SLC9A8: variants seen among roughly 807,000 people sequenced by gnomAD.
SLC9A8 encodes the protein sodium/hydrogen exchanger 8.
In SLC9A8, 48 loss-of-function variants were observed where a neutral mutation model predicts 66.6. The observed-to-expected ratio is 0.72, with a 90% CI of 0.57 to 0.92. The LOEUF (loss-of-function observed/expected upper bound fraction) is 0.92. SLC9A8 is among the 40% of genes least tolerant of loss of function. The pLI, the probability that SLC9A8 is intolerant of heterozygous loss-of-function variation, is 0.00. For missense variants in SLC9A8, 599 were observed against 747.3 expected (o/e 0.80, Z 2.31); for synonymous variants, 274 against 282.6 (o/e 0.97, Z 0.31).
At chr20:49,853,421 C>T (rs2088333100) in intron 7 of SLC9A8, among the ~76,000 whole-genome samples, 1 of 152,204 alleles carries the variant, frequency 6.6e-6, no homozygotes, top group Non-Finnish European at 1.5e-5. Flanking sequence ...GGATTACAGG[C>T]GTGAGCCACT....
Position 49,852,604 on chromosome 20 carries a change from A to G in SLC9A8, c.569+1760A>G, listed in dbSNP as rs57124850. Among the ~76,000 whole-genome samples, 1,077 of 152,224 alleles carry G rather than the reference A, an allele frequency of 7.1e-3. 21 individuals are homozygous for G. The highest frequency in any genetic ancestry group is 0.024 in the African/African-American group (999 of 41,542). ...TGTTGCTATCTTTTGGGGCTATGGG[A>G]TAAAGAAAATACATTTTTAAGTTGA... On this transcript the variant is annotated intron_variant, in intron 7 of 15. Transcript: ENST00000361573.
Position 49,884,854 on chromosome 20 carries a change from C to T in SLC9A8, c.1491+788C>T, listed in dbSNP as rs539388366. 2.8e-4 allele frequency among the ~76,000 whole-genome samples: 43 copies of T among 152,340 alleles called. 1 individual carries two copies. Among genetic ancestry groups the T allele is most frequent in the African/African-American group, 9.6e-4 (40 of 41,588 alleles). ...CTCAGGACCCCTGTGCAAAGCTAGG[C>T]CCTCTGACCGAAGCAGAGGCTGCTG... On this transcript the variant is annotated intron_variant, in intron 14 of 15. Transcript: ENST00000361573.
In SLC9A8 at chr20:49,887,939, C is replaced by A. The variant is rs557158387; in HGVS notation, c.*3C>A. On this transcript the variant is annotated 3_prime_UTR_variant, in exon 16 of 16. Coordinates refer to ENST00000361573, the MANE Select transcript of SLC9A8 (RefSeq NM_015266.3). ...ACGACGAGCAGGAGCTGCTCTGACGCCAGGTGCCAAGGCTTCAGGCAGGCA... is the reference window on the plus strand; with the variant it reads ...ACGACGAGCAGGAGCTGCTCTGACGACAGGTGCCAAGGCTTCAGGCAGGCA... The A allele has an allele frequency of 4.8e-5, 77 of 1,611,668 alleles. No individual in the cohort carries two copies. The South Asian group carries it at 7.8e-4, about 16-fold the overall frequency.
chr20:49,830,862 A>C (rs2146509260), intron 3 of SLC9A8: 1 of 1,439,136 alleles, frequency 6.9e-7, no homozygotes, highest in East Asian at 2.3e-5. Context: ...ACAGTTGGCC[A>C]GCATCTTCCT....
intron 10 of SLC9A8, among the ~76,000 whole-genome samples, chr20:49,870,973 T>TA (rs1254574111): frequency 6.6e-6 from 1 of 152,240 alleles, no homozygotes; most frequent in Non-Finnish European, 1.5e-5. Context: ...GTCCTGGGAT[T>TA]ACAAGTGTGA....
In SLC9A8 at chr20:49,887,978, C is replaced by G; in HGVS notation, c.*42C>G. 6.8e-7 allele frequency: 1 copy of G among 1,479,120 alleles called. No homozygotes were observed. The highest frequency in any genetic ancestry group is 9.4e-7 in the Non-Finnish European group (1 of 1,058,526). The allele number at this position is 1,479,120 out of a possible 1,614,324, so 91.6% of individuals were successfully genotyped here. On this transcript the variant is annotated 3_prime_UTR_variant, in exon 16 of 16. Coordinates refer to ENST00000361573, the MANE Select transcript of SLC9A8 (RefSeq NM_015266.3). The stretch of plus-strand genomic sequence containing the variant: ...TTCAGGCAGGCAGGCCCAGGATGGG[C>G]GTTTGCTGCGCACAGACACTCAGCA...
intron 11 of SLC9A8, among the ~76,000 whole-genome samples, chr20:49,875,587 G>C (rs1040830200): frequency 6.6e-6 from 1 of 152,078 alleles, no homozygotes; most frequent in Non-Finnish European, 1.5e-5. Context: ...GTTCCCCCAC[G>C]CTCCGACATA....
intron 11 of SLC9A8, among the ~76,000 whole-genome samples, chr20:49,877,251 G>A (rs1284314331): frequency 1.3e-5 from 2 of 152,044 alleles, no homozygotes; most frequent in Non-Finnish European, 2.9e-5. Context: ...CCGAGATCGT[G>A]CCACTACATT....
chr20:49,824,587 A>G (rs756768398), intron 3 of SLC9A8, among the ~76,000 whole-genome samples: 3 of 152,242 alleles, frequency 2.0e-5, no homozygotes, highest in African/African-American at 4.8e-5. Flanking sequence ...GATAATTCTT[A>G]TAATTTCATT....
Position 49,850,786 on chromosome 20 carries a change from GTGTT to G in SLC9A8, c.535-20_535-17del. 6.2e-7 allele frequency: 1 copy of G among 1,610,042 alleles called. No individual in the cohort carries two copies. The highest frequency in any genetic ancestry group is 8.5e-7 in the Non-Finnish European group (1 of 1,178,658). On this transcript the variant is annotated intron_variant, in intron 6 of 15. Transcript: ENST00000361573. ...GGGTTTTTTTTTTGTGTGTGTCTGT[GTGTT>G]TGTGTGTTTTATTTTACAGGCTGAT... is the stretch of plus-strand genomic sequence containing the variant.
chr20:49,885,177 C>T (rs188872567), intron 14 of SLC9A8, among the ~76,000 whole-genome samples: 175 of 152,324 alleles, frequency 1.1e-3, no homozygotes, highest in Non-Finnish European at 1.6e-3. Context: ...TGCCCCCACC[C>T]CCTATCTACC....
At chr20:49,881,146 A>T (rs2089612424) in intron 13 of SLC9A8, 111 bp downstream of exon 13, 1 of 735,180 alleles carries the variant, frequency 1.4e-6, no homozygotes, top group Middle Eastern at 2.5e-4. Context: ...ACAAGTAATC[A>T]ATACTCCCGT....
intron 7 of SLC9A8, among the ~76,000 whole-genome samples, chr20:49,851,048 C>G (rs1310145107): frequency 6.6e-6 from 1 of 152,160 alleles, no homozygotes; most frequent in African/African-American, 2.4e-5. Context: ...TTGAAGATCC[C>G]TAGTGGGGCA....
At chr20:49,840,470 T>C (rs2087715649) in intron 4 of SLC9A8, among the ~76,000 whole-genome samples, 1 of 152,206 alleles carries the variant, frequency 6.6e-6, no homozygotes, top group South Asian at 2.1e-4. Context: ...TCCTAGGTGC[T>C]AGGATTAATT....
Position 49,891,961 on chromosome 20 carries a change from T to C in SLC9A8, c.*4025T>C, listed in dbSNP as rs1025909699. The C allele has an allele frequency of 6.6e-6, 1 of 152,328 alleles. No individual in the cohort carries two copies. Among genetic ancestry groups the C allele is most frequent in the East Asian group, 1.9e-4 (1 of 5,188 alleles). The allele number at this position is 152,328 out of a possible 1,614,324, so 9.4% of individuals were successfully genotyped here. ...AAATGACGAGTGCTGGGTTTTTGTT[T>C]TAAGAAGCATTATGAAGGCCAGACT... is the stretch of plus-strand genomic sequence containing the variant. On this transcript the variant is annotated 3_prime_UTR_variant, in exon 16 of 16. Coordinates refer to ENST00000361573, the MANE Select transcript of SLC9A8 (RefSeq NM_015266.3).
intron 3 of SLC9A8, among the ~76,000 whole-genome samples, chr20:49,826,300 G>C (rs1350623979): frequency 6.6e-6 from 1 of 152,188 alleles, no homozygotes; most frequent in African/African-American, 2.4e-5. Flanking sequence ...TTTTTCTCCA[G>C]CTGGAGCAAA....
In SLC9A8 at chr20:49,836,518, C is replaced by T. The variant is rs1163262624; in HGVS notation, c.290-3023C>T. 5.3e-5 allele frequency among the ~76,000 whole-genome samples: 8 copies of T among 152,036 alleles called. No homozygotes were observed. The East Asian group carries it at 5.8e-4, about 11-fold the overall frequency. On this transcript the variant is annotated intron_variant, in intron 3 of 15. Coordinates refer to ENST00000361573, the MANE Select transcript of SLC9A8 (RefSeq NM_015266.3). Reference sequence around the variant, plus strand: ...ATAATTTTTGTATTTTTAGTAGAGACGGGGTTTCACCATGTTGTTCAGGCT... The same window carrying T: ...ATAATTTTTGTATTTTTAGTAGAGATGGGGTTTCACCATGTTGTTCAGGCT...
At chr20:49,862,826 GAA>G in intron 8 of SLC9A8, 101 bp from the exon 9 acceptor site, 2 of 860,084 alleles carry the variant, frequency 2.3e-6, no homozygotes, top group Non-Finnish European at 3.6e-6. Context: ...TGGTATGAAT[GAA>G]TGAATGAATG....
At chr20:49,873,225 T>A (rs538833265) in intron 10 of SLC9A8, among the ~76,000 whole-genome samples, 13 of 152,208 alleles carry the variant, frequency 8.5e-5, no homozygotes, top group African/African-American at 2.7e-4. Context: ...CTCACACTTA[T>A]AATCCCAGCA....
Sources: gnomAD v4.1 joint callset for allele counts (sites outside exome capture counted in the v4.1 genomes callset) on GRCh38, gnomAD v4.1.1 for gene constraint, MANE v1.5 for transcripts, NCBI Gene and HGNC (gene_info 2026-07-23, HGNC 2026-07-21) for gene names.